Variants in INO80C observed in about 807,000 individuals in gnomAD.
INO80C encodes INO80 complex subunit C.
INO80C carries 17 observed loss-of-function variants against 17.7 expected under a neutral mutation model. The observed-to-expected ratio is 0.96, with a 90% CI of 0.66 to 1.44. INO80C has a LOEUF of 1.44. Among genes scored for constraint, INO80C ranks in the 40% most tolerant of loss-of-function variants. The pLI, the probability that INO80C is intolerant of heterozygous loss-of-function variation, is 0.00. For missense variants in INO80C, 244 were observed against 245.0 expected (o/e 1.00, Z 0.03); for synonymous variants, 96 against 95.8 (o/e 1.00, Z -0.01).
intron 4 of INO80C, among the ~76,000 whole-genome samples, chr18:35,473,230 G>C (rs1458307740): frequency 1.3e-5 from 2 of 152,240 alleles, no homozygotes; most frequent in Non-Finnish European, 2.9e-5. Flanking sequence ...ACTGGTGCCA[G>C]ATGAGCTCTC....
At chr18:35,482,381 G>C (rs1311624361) in intron 1 of INO80C, among the ~76,000 whole-genome samples, 2 of 152,318 alleles carry the variant, frequency 1.3e-5, no homozygotes, top group East Asian at 3.9e-4. Context: ...TAGTAAGAGA[G>C]TATGGTGGAA....
intron 1 of INO80C, among the ~76,000 whole-genome samples, chr18:35,486,176 A>G (rs2045872089): frequency 6.6e-6 from 1 of 152,242 alleles, no homozygotes; most frequent in Non-Finnish European, 1.5e-5. Flanking sequence ...ATATTATTCA[A>G]TCACAAAAAG....
intron 4 of INO80C, among the ~76,000 whole-genome samples, chr18:35,476,645 C>G (rs1198680830): frequency 1.3e-5 from 2 of 152,100 alleles, no homozygotes; most frequent in Non-Finnish European, 2.9e-5. Flanking sequence ...ACAACCATAT[C>G]AACAATCACT....
chr18:35,481,900 AG>A (rs2144056400), intron 1 of INO80C, among the ~76,000 whole-genome samples: 1 of 152,220 alleles, frequency 6.6e-6, no homozygotes, highest in South Asian at 2.1e-4. Flanking sequence ...AACAAAGAAA[AG>A]TTTCTGAGAT....
intron 4 of INO80C, among the ~76,000 whole-genome samples, chr18:35,478,012 T>C (rs946611555): frequency 2.0e-5 from 3 of 152,150 alleles, no homozygotes; most frequent in Admixed American, 6.5e-5. Context: ...AAGAAATACA[T>C]AGTTGTTTCT....
intron 1 of INO80C, chr18:35,483,812 T>G (rs990349535): frequency 6.6e-6 from 1 of 152,118 alleles, no homozygotes; most frequent in Non-Finnish European, 1.5e-5. Context: ...GAGGGGAACA[T>G]AGTGGAATGG....
At chr18:35,482,346 TAGTA>T (rs956552594) in intron 1 of INO80C, among the ~76,000 whole-genome samples, 1 of 152,234 alleles carries the variant, frequency 6.6e-6, no homozygotes, top group Non-Finnish European at 1.5e-5. Flanking sequence ...TCAACTTACT[TAGTA>T]AGTGAAAATC....
intron 4 of INO80C, among the ~76,000 whole-genome samples, chr18:35,475,885 T>C (rs1347697951): frequency 6.6e-6 from 1 of 151,726 alleles, no homozygotes; most frequent in East Asian, 1.9e-4. Flanking sequence ...TTTTTTTTCT[T>C]ATTTTTATTT....
chr18:35,497,622 G>A (rs2045998179), intron 1 of INO80C, 97 bp downstream of exon 1: 2 of 1,475,620 alleles, frequency 1.4e-6, no homozygotes, highest in South Asian at 1.4e-5. Context: ...GACCGCACGC[G>A]CAGCGCCCCA....
intron 4 of INO80C, among the ~76,000 whole-genome samples, chr18:35,470,975 C>A (rs1307756057): frequency 1.3e-5 from 2 of 152,214 alleles, no homozygotes; most frequent in Admixed American, 1.3e-4. Context: ...AGGCAGTATT[C>A]ACGGCTTGCC....
intron 1 of INO80C, among the ~76,000 whole-genome samples, chr18:35,484,219 A>G (rs1777682018): frequency 6.6e-6 from 1 of 152,216 alleles, no homozygotes; most frequent in African/African-American, 2.4e-5. Context: ...AGAAAAGCAA[A>G]TAAGAAAAGG....
intron 1 of INO80C, among the ~76,000 whole-genome samples, chr18:35,493,976 G>T (rs545740625): frequency 4.6e-5 from 7 of 152,224 alleles, no homozygotes; most frequent in African/African-American, 1.7e-4. Flanking sequence ...CCCACTAAGG[G>T]AACCTTGGGC....
intron 1 of INO80C, among the ~76,000 whole-genome samples, chr18:35,495,322 G>A (rs2045970321): frequency 6.6e-6 from 1 of 152,184 alleles, no homozygotes; most frequent in Admixed American, 6.5e-5. Context: ...GGCTGAGGTG[G>A]GAGGATCCAC....
At position 35,497,905 on chromosome 18, in the gene INO80C, C is replaced by A; in HGVS notation, c.-31G>T. 6.7e-7 allele frequency: 1 copy of A among 1,501,888 alleles called. No individual in the cohort carries two copies. Among genetic ancestry groups the A allele is most frequent in the Non-Finnish European group, 8.9e-7 (1 of 1,124,862 alleles). The allele number at this position is 1,501,888 out of a possible 1,614,324, so 93.0% of individuals were successfully genotyped here. On this transcript the variant is annotated 5_prime_UTR_variant, in exon 1 of 5. Coordinates refer to ENST00000334598, the MANE Select transcript of INO80C (RefSeq NM_194281.4). ...TCCGAGTCTTCCCCTGGTCCCCCCACCTTTTTCCCAGCGCGGGCCTTGGAA... is the reference window on the plus strand; with the variant it reads ...TCCGAGTCTTCCCCTGGTCCCCCCAACTTTTTCCCAGCGCGGGCCTTGGAA...
chr18:35,473,823 G>A (rs553215613), intron 4 of INO80C, among the ~76,000 whole-genome samples: 2 of 152,184 alleles, frequency 1.3e-5, no homozygotes, highest in South Asian at 2.1e-4. Context: ...AGAGGATAAA[G>A]CACTTAGAAG....
chr18:35,470,022 G>C (rs1293693568), intron 4 of INO80C, among the ~76,000 whole-genome samples: 1 of 152,144 alleles, frequency 6.6e-6, no homozygotes, highest in Non-Finnish European at 1.5e-5. Flanking sequence ...TGAAACAAAA[G>C]ACATGAGGGT....
chr18:35,494,606 G>GC lies in INO80C; in HGVS notation c.156+3112dup, dbSNP rs1323430693. On this transcript the variant is annotated intron_variant, in intron 1 of 4. Coordinates refer to ENST00000334598, the MANE Select transcript of INO80C (RefSeq NM_194281.4). ...AAGACAGGGGCCCTGCAGTCCTGCC[G>GC]CCCCAAAAGAACAGAATTCTGCCAA... Among the ~76,000 whole-genome samples the GC allele has an allele frequency of 2.0e-5, 3 of 152,178 alleles. No homozygotes were observed. In the East Asian group the frequency reaches 5.8e-4, roughly 29 times the overall value.
intron 1 of INO80C, among the ~76,000 whole-genome samples, chr18:35,485,952 C>T (rs1009765898): frequency 2.6e-5 from 4 of 152,110 alleles, no homozygotes; most frequent in Admixed American, 2.6e-4. Context: ...TGGCAAGACC[C>T]TTTCTCTACA....
chr18:35,490,222 G>A (rs924882671), intron 1 of INO80C, among the ~76,000 whole-genome samples: 4 of 152,242 alleles, frequency 2.6e-5, no homozygotes, highest in South Asian at 2.1e-4. Context: ...AAGGAGACCC[G>A]CCAGCATTAG....
Sources: gnomAD v4.1 joint callset for allele counts (sites outside exome capture counted in the v4.1 genomes callset) on GRCh38, gnomAD v4.1.1 for gene constraint, MANE v1.5 for transcripts, NCBI Gene and HGNC (gene_info 2026-07-23, HGNC 2026-07-21) for gene names.